ANP32B: variants seen among roughly 807,000 people sequenced by gnomAD.
The protein encoded by ANP32B is acidic nuclear phosphoprotein 32 family member B, also known as acidic leucine-rich nuclear phosphoprotein 32 family member B.
ANP32B carries 6 observed loss-of-function variants against 32.2 expected under a neutral mutation model. That is an observed-to-expected ratio of 0.19 (90% CI 0.10 to 0.37). The LOEUF (loss-of-function observed/expected upper bound fraction) is 0.37. ANP32B is among the 10% of genes least tolerant of loss of function. The pLI is 1.00. For synonymous variants in ANP32B, 98 were observed against 105.8 expected (o/e 0.93, Z 0.45); for missense variants, 204 against 289.2 (o/e 0.71, Z 2.14).
intron 4 of ANP32B, among the ~76,000 whole-genome samples, chr9:98,010,840 A>AT (rs11324852): frequency 1.9e-4 from 29 of 149,510 alleles, no homozygotes; most frequent in East Asian, 7.9e-4. Flanking sequence ...AAGGTACATG[A>AT]TTTTTTTTTT....
At chr9:98,007,285 T>C (rs891546520) in intron 4 of ANP32B, among the ~76,000 whole-genome samples, 2 of 152,186 alleles carry the variant, frequency 1.3e-5, no homozygotes, top group African/African-American at 2.4e-5. Flanking sequence ...TCATGAACTT[T>C]TAGGAGAGGC....
chr9:98,011,217 G>A, intron 4 of ANP32B, 54 bp from the exon 5 acceptor site: 1 of 1,529,994 alleles, frequency 6.5e-7, no homozygotes, highest in Non-Finnish European at 8.8e-7. Flanking sequence ...TCAACACTTT[G>A]TCCCCTGTGG....
At chr9:97,985,918 T>A (rs1827723719) in intron 1 of ANP32B, among the ~76,000 whole-genome samples, 1 of 152,030 alleles carries the variant, frequency 6.6e-6, no homozygotes, top group Non-Finnish European at 1.5e-5. Flanking sequence ...GCTTACCGGG[T>A]TCAAGCGATT....
intron 3 of ANP32B, among the ~76,000 whole-genome samples, chr9:98,004,684 C>G (rs1480355982): frequency 4.6e-5 from 7 of 152,208 alleles, no homozygotes; most frequent in African/African-American, 1.7e-4. Context: ...GTGAAAATAC[C>G]TGGATTTAAT....
intron 4 of ANP32B, among the ~76,000 whole-genome samples, chr9:98,007,485 G>A (rs1828106437): frequency 6.6e-6 from 1 of 152,206 alleles, no homozygotes; most frequent in African/African-American, 2.4e-5. Flanking sequence ...GCTTGTTTTT[G>A]TGCAATATAT....
chr9:97,994,914 C>G, intron 2 of ANP32B, 134 bp downstream of exon 2: 1 of 852,484 alleles, frequency 1.2e-6, no homozygotes, highest in South Asian at 2.3e-5. Flanking sequence ...GGATTGAATT[C>G]TAGCCCTAGC....
chr9:97,994,576 T>C (rs1216390810), intron 1 of ANP32B, 55 bp from the exon 2 acceptor site: 2 of 1,554,112 alleles, frequency 1.3e-6, no homozygotes, highest in African/African-American at 1.4e-5. Context: ...TCTGCATTGT[T>C]GTTTGTTTTC....
At chr9:98,011,188 T>G in intron 4 of ANP32B, 83 bp from the exon 5 acceptor site, 1 of 1,493,388 alleles carries the variant, frequency 6.7e-7, no homozygotes. Flanking sequence ...ATTTGTTCTG[T>G]GAGCCAGCCC....
intron 1 of ANP32B, among the ~76,000 whole-genome samples, chr9:97,985,066 G>GCCCC (rs748980963): frequency 1.4e-5 from 2 of 140,810 alleles, no homozygotes; most frequent in African/African-American, 5.2e-5. Flanking sequence ...GCCGTCGCGA[G>GCCCC]CCCCCCCCCC....
At position 98,015,233 on chromosome 9, in the gene ANP32B, T is replaced by G. The variant is rs1331587528; in HGVS notation, c.689-131T>G. 4 of 1,355,874 alleles carry G rather than the reference T, an allele frequency of 3.0e-6. No homozygotes were observed. The African/African-American group carries it at 4.4e-5, about 15-fold the overall frequency. 84.0% of individuals were successfully genotyped at this position (1,355,874 alleles called of 1,614,324 possible). On this transcript the variant is annotated intron_variant, in intron 6 of 6. Coordinates refer to ENST00000339399, the MANE Select transcript of ANP32B (RefSeq NM_006401.3). ...ACTTATACTTGCTATTAGTCACCTA[T>G]ATTAATCTGATCAAGTTTACATTGT...
intron 6 of ANP32B, 80 bp downstream of exon 6, chr9:98,012,552 TGA>T: frequency 6.4e-7 from 1 of 1,568,662 alleles, no homozygotes; most frequent in Non-Finnish European, 8.6e-7. Flanking sequence ...ATGATACCAC[TGA>T]GAAGAAAATA....
At position 98,009,183 on chromosome 9, in the gene ANP32B, A is replaced by G. The variant is rs372675585; in HGVS notation, c.518-2088A>G. 1.3e-3 allele frequency among the ~76,000 whole-genome samples: 198 copies of G among 152,344 alleles called. 1 individual carries two copies. The highest frequency in any genetic ancestry group is 4.6e-3 in the African/African-American group (190 of 41,566). ...AAGGGAAATAATCTCTGATCATAAC[A>G]TAGAATTAAAAGATGATTTTCAGTA... On this transcript the variant is annotated intron_variant, in intron 4 of 6. Coordinates refer to ENST00000339399, the MANE Select transcript of ANP32B (RefSeq NM_006401.3).
rs551238490 is a variant in ANP32B, at chr9:97,996,851, C to T, written c.205-1705C>T. On this transcript the variant is annotated intron_variant, in intron 2 of 6. Transcript: ENST00000339399. ...CTGACCTCAGGTGATCAGCCCACCT[C>T]GGCCTCTCAAAGTACTGGGATTACA... Among the ~76,000 whole-genome samples the T allele has an allele frequency of 2.0e-4, 30 of 152,110 alleles. 1 individual carries two copies. Among genetic ancestry groups the T allele is most frequent in the African/African-American group, 6.5e-4 (27 of 41,508 alleles).
rs1828201593 is a variant in ANP32B at position 98,012,423 on chromosome 9, A to G, written c.639A>G (p.Glu213=). 6.2e-7 allele frequency: 1 copy of G among 1,611,698 alleles called. No homozygotes were observed. The highest frequency in any genetic ancestry group is 8.5e-7 in the Non-Finnish European group (1 of 1,178,796). ...TTATGCTGTTTGCTATTCTTTAGGA[A>G]GAAGAATTTGGACTTGATGAAGAAG... ...DEDDDEVSEE[E]EEFGLDEEDE... Residue 213 remains glutamate (E), a splice_region_variant and synonymous_variant, in exon 6 of 7, where the codon GAA becomes GAG. Transcript: ENST00000339399.
chr9:97,983,981 CGGAGGCCCGGCCTGCCGA>C (rs1189393542), intron 1 of ANP32B, among the ~76,000 whole-genome samples: 1 of 150,142 alleles, frequency 6.7e-6, no homozygotes, highest in South Asian at 2.1e-4. Flanking sequence ...CGCGGCCGGG[CGGAGGCCCGGCCTGCCGA>C]GGAGCTGCGC....
chr9:97,988,954 C>T (rs1448467154), intron 1 of ANP32B, among the ~76,000 whole-genome samples: 1 of 152,140 alleles, frequency 6.6e-6, no homozygotes, highest in Non-Finnish European at 1.5e-5. Flanking sequence ...CCCTTTCCTC[C>T]TTTTATGGCA....
intron 1 of ANP32B, among the ~76,000 whole-genome samples, chr9:97,984,982 G>C (rs1241839071): frequency 6.6e-6 from 1 of 150,924 alleles, no homozygotes; most frequent in Non-Finnish European, 1.5e-5. Context: ...GCCCTCTTGC[G>C]GCGCGGCTGC....
At chr9:97,986,679 A>AC (rs1385874821) in intron 1 of ANP32B, 2 of 152,364 alleles carry the variant, frequency 1.3e-5, no homozygotes, top group East Asian at 1.9e-4. Flanking sequence ...TGCCATAAAC[A>AC]CCACAGAAAT....
At chr9:97,989,610 A>G (rs1827791109) in intron 1 of ANP32B, among the ~76,000 whole-genome samples, 1 of 152,134 alleles carries the variant, frequency 6.6e-6, no homozygotes, top group Non-Finnish European at 1.5e-5. Context: ...ATAAGAAGAA[A>G]CTAGGGCCTT....
Sources: allele counts gnomAD v4.1 joint callset (sites outside exome capture counted in the v4.1 genomes callset), GRCh38; gene constraint gnomAD v4.1.1; transcripts MANE v1.5; gene names NCBI Gene and HGNC (gene_info 2026-07-23, HGNC 2026-07-21).